SLC14A2: variants seen among roughly 807,000 people sequenced by gnomAD.
SLC14A2 encodes solute carrier family 14 member 2.
In SLC14A2, 91 loss-of-function variants were observed where a neutral mutation model predicts 104.6. The observed-to-expected ratio is 0.87, with a 90% CI of 0.73 to 1.04. The LOEUF (loss-of-function observed/expected upper bound fraction) is 1.04, where lower values mean the gene tolerates loss of function less well. Among genes scored for constraint, SLC14A2 ranks in the 50% least tolerant of loss-of-function variants. SLC14A2 has a pLI of 0.00. For missense variants in SLC14A2, 1,189 were observed against 1,156.0 expected, an observed-to-expected ratio of 1.03 and a Z score of -0.41; for synonymous variants, 476 against 466.4, an observed-to-expected ratio of 1.02 and a Z score of -0.27.
intron 5 of SLC14A2, among the ~76,000 whole-genome samples, chr18:45,636,133 G>A (rs1203585563): frequency 2.6e-5 from 4 of 152,250 alleles, no homozygotes; most frequent in Non-Finnish European, 5.9e-5. Flanking sequence ...GAGTTAACTG[G>A]TGAGGGATGT....
intron 2 of SLC14A2, among the ~76,000 whole-genome samples, chr18:45,517,390 A>G (rs954456657): frequency 6.6e-6 from 1 of 152,062 alleles, no homozygotes; most frequent in Non-Finnish European, 1.5e-5. Flanking sequence ...CCCCCTCCCA[A>G]TAGATAATTA....
At chr18:45,282,601 G>A (rs1015364707) in intron 1 of SLC14A2, among the ~76,000 whole-genome samples, 1 of 152,110 alleles carries the variant, frequency 6.6e-6, no homozygotes, top group African/African-American at 2.4e-5. Context: ...GGCAATGCTG[G>A]GGCCAGGCTT....
chr18:45,582,132 C>T (rs545090562), intron 2 of SLC14A2, among the ~76,000 whole-genome samples: 2 of 152,286 alleles, frequency 1.3e-5, no homozygotes, highest in African/African-American at 2.4e-5. Context: ...AATACCTTTG[C>T]TCTTGACCTA....
intron 1 of SLC14A2, among the ~76,000 whole-genome samples, chr18:45,327,620 T>C (rs2085249110): frequency 6.6e-6 from 1 of 152,190 alleles, no homozygotes; most frequent in South Asian, 2.1e-4. Flanking sequence ...TTCATGTAAG[T>C]GGAATCATAT....
chr18:45,254,510 A>G (rs1026001972), intron 1 of SLC14A2, among the ~76,000 whole-genome samples: 1 of 152,142 alleles, frequency 6.6e-6, no homozygotes, highest in South Asian at 2.1e-4. Flanking sequence ...AATATAAACC[A>G]TCCAACTGCA....
chr18:45,498,413 C>CCCT (rs1224832010), intron 2 of SLC14A2, among the ~76,000 whole-genome samples: 1 of 152,236 alleles, frequency 6.6e-6, no homozygotes, highest in Non-Finnish European at 1.5e-5. Flanking sequence ...CAGCGAGAAG[C>CCCT]TGCCAGACGC....
At chr18:45,263,102 C>G (rs952164283) in intron 1 of SLC14A2, among the ~76,000 whole-genome samples, 3 of 152,176 alleles carry the variant, frequency 2.0e-5, no homozygotes, top group Admixed American at 2.0e-4. Flanking sequence ...ATCCAGGGAC[C>G]TACGTCACAT....
chr18:45,339,598 A>G (rs1173739451), intron 1 of SLC14A2, among the ~76,000 whole-genome samples: 1 of 152,196 alleles, frequency 6.6e-6, no homozygotes, highest in African/African-American at 2.4e-5. Flanking sequence ...TCATTATGCT[A>G]TCTGCATTTT....
chr18:45,204,219 A>G, the SLC14A2 span, among the ~76,000 whole-genome samples: 2 of 152,216 alleles, frequency 1.3e-5, no homozygotes, highest in East Asian at 3.8e-4. Flanking sequence ...GACAGATGAA[A>G]ATCAACCTCT....
chr18:45,452,658 C>A (rs1431466822), intron 1 of SLC14A2, among the ~76,000 whole-genome samples: 3 of 152,196 alleles, frequency 2.0e-5, no homozygotes, highest in Non-Finnish European at 4.4e-5. Context: ...AAACGCCATG[C>A]ACTCACAAAA....
intron 1 of SLC14A2, among the ~76,000 whole-genome samples, chr18:45,312,812 G>A (rs1322821938): frequency 6.6e-6 from 1 of 152,162 alleles, no homozygotes; most frequent in Non-Finnish European, 1.5e-5. Context: ...GAGAGCTCAG[G>A]CTCCTCTCAG....
chr18:45,460,799 C>T (rs1371120143), intron 1 of SLC14A2, among the ~76,000 whole-genome samples: 3 of 152,134 alleles, frequency 2.0e-5, no homozygotes, highest in Non-Finnish European at 4.4e-5. Flanking sequence ...CTAAGAAGCA[C>T]TTAAAATGAG....
At chr18:45,646,818 A>T (rs926521890) in intron 10 of SLC14A2, 1 of 152,102 alleles carries the variant, frequency 6.6e-6, no homozygotes, top group East Asian at 1.9e-4. Context: ...CAGCACCAAC[A>T]TGAGGTTGCA....
intron 1 of SLC14A2, among the ~76,000 whole-genome samples, chr18:45,316,000 C>G (rs1042514768): frequency 6.6e-5 from 10 of 152,210 alleles, no homozygotes; most frequent in Non-Finnish European, 1.5e-4. Flanking sequence ...TTAGACTTTT[C>G]TCTGTGCCTC....
intron 11 of SLC14A2, 108 bp downstream of exon 11, chr18:45,664,015 G>A: frequency 1.1e-5 from 14 of 1,219,486 alleles, no homozygotes; most frequent in Non-Finnish European, 1.6e-5. Flanking sequence ...ACCCGCTGGA[G>A]TCAGACTTGA....
chr18:45,612,316 C>A (rs981773272), upstream of SLC14A2, among the ~76,000 whole-genome samples: 1 of 152,198 alleles, frequency 6.6e-6, no homozygotes, highest in African/African-American at 2.4e-5. Flanking sequence ...ATATTATGTG[C>A]CCATGACATT....
intron 11 of SLC14A2, among the ~76,000 whole-genome samples, chr18:45,665,223 C>T (rs553995948): frequency 7.9e-5 from 12 of 152,156 alleles, no homozygotes; most frequent in Middle Eastern, 3.4e-3. Flanking sequence ...GAGTGCAGAA[C>T]GGGGGAACAG....
intron 1 of SLC14A2, among the ~76,000 whole-genome samples, chr18:45,459,095 A>G (rs148362188): frequency 2.0e-5 from 3 of 152,332 alleles, no homozygotes; most frequent in African/African-American, 4.8e-5. Flanking sequence ...TCTGCTGAGT[A>G]GTTCCATAAG....
At chr18:45,548,932 C>T (rs1338140047) in intron 2 of SLC14A2, among the ~76,000 whole-genome samples, 1 of 152,180 alleles carries the variant, frequency 6.6e-6, no homozygotes, top group Non-Finnish European at 1.5e-5. Context: ...GTTGGAGCAT[C>T]TGCAGCAGGT....
Sources: gnomAD v4.1 joint callset for allele counts (sites outside exome capture counted in the v4.1 genomes callset) on GRCh38, gnomAD v4.1.1 for gene constraint, MANE v1.5 for transcripts, NCBI Gene and HGNC (gene_info 2026-07-23, HGNC 2026-07-21) for gene names.